Variants in HAVCR1 observed in about 807,000 individuals in gnomAD.
The protein encoded by HAVCR1 is hepatitis A virus cellular receptor 1.
A neutral mutation model predicts 32.0 loss-of-function variants in HAVCR1; 34 were observed. That is an observed-to-expected ratio of 1.06 (90% CI 0.81 to 1.42). The LOEUF (loss-of-function observed/expected upper bound fraction) is 1.42. Ranked by LOEUF, HAVCR1 falls within the 40% of genes most tolerant of loss-of-function variation. The pLI is 0.00. For synonymous variants in HAVCR1, 178 were observed against 170.3 expected, an observed-to-expected ratio of 1.05 and a Z score of -0.35; for missense variants, 420 against 442.3, an observed-to-expected ratio of 0.95 and a Z score of 0.45.
chr5:157,068,104 T>C, the HAVCR1 span, among the ~76,000 whole-genome samples: 1 of 152,018 alleles, frequency 6.6e-6, no homozygotes, highest in East Asian at 1.9e-4. Context: ...AAACCCCAAC[T>C]GTACTAAAAA....
chr5:157,066,627 A>G, the HAVCR1 span, among the ~76,000 whole-genome samples: 2 of 152,058 alleles, frequency 1.3e-5, no homozygotes, highest in Non-Finnish European at 2.9e-5. Context: ...AGAAAGGGAA[A>G]ATTTGCTGGG....
chr5:157,047,035 T>G (rs946450293), intron 5 of HAVCR1, among the ~76,000 whole-genome samples: 3 of 152,216 alleles, frequency 2.0e-5, no homozygotes, highest in African/African-American at 7.2e-5. Context: ...GCATGGTTCC[T>G]GGCTCATAAC....
intron 7 of HAVCR1, among the ~76,000 whole-genome samples, chr5:157,036,347 C>T (rs10462975): frequency 0.34 from 51,829 of 151,812 alleles, 9,498 homozygotes; most frequent in East Asian, 0.66. Flanking sequence ...GGCGTGGTGG[C>T]GGGCGCCTGT....
At chr5:157,042,441 C>CAAA (rs144701880) in intron 6 of HAVCR1, among the ~76,000 whole-genome samples, 186 bp downstream of exon 6, 6 of 113,310 alleles carry the variant, frequency 5.3e-5, no homozygotes, top group African/African-American at 1.0e-4. Flanking sequence ...GACTCCGTCT[C>CAAA]AAAAAAAAAA....
intron 6 of HAVCR1, among the ~76,000 whole-genome samples, chr5:157,041,984 A>G (rs940437450): frequency 2.0e-5 from 3 of 151,490 alleles, no homozygotes; most frequent in Admixed American, 6.6e-5. Context: ...GCTTGAACCC[A>G]GGAGGCGGAG....
At chr5:157,065,046 G>T in the HAVCR1 span, among the ~76,000 whole-genome samples, 1 of 152,190 alleles carries the variant, frequency 6.6e-6, no homozygotes, top group African/African-American at 2.4e-5. Flanking sequence ...AAATGGTATT[G>T]GCTGGGTGCG....
At chr5:157,061,056 C>A (rs1243062554), upstream of HAVCR1, among the ~76,000 whole-genome samples, 4 of 152,052 alleles carry the variant, frequency 2.6e-5, no homozygotes, top group East Asian at 5.8e-4. Flanking sequence ...CGCCACCATG[C>A]CTGGCTAATT....
intron 6 of HAVCR1, among the ~76,000 whole-genome samples, chr5:157,040,211 T>C (rs77717546): frequency 2.1e-5 from 2 of 94,924 alleles, no homozygotes; most frequent in Non-Finnish European, 5.5e-5. Flanking sequence ...GGCAGGAGAA[T>C]TGCTTGAACC....
At chr5:157,048,957 C>G (rs1303339993) in intron 5 of HAVCR1, 81 bp downstream of exon 5, 1 of 820,192 alleles carries the variant, frequency 1.2e-6, no homozygotes, top group African/African-American at 1.7e-5. Context: ...CAGTCGTATT[C>G]CAGAGCGTGT....
intron 5 of HAVCR1, among the ~76,000 whole-genome samples, chr5:157,047,063 T>C (rs766840081): frequency 1.3e-5 from 2 of 152,204 alleles, no homozygotes; most frequent in African/African-American, 2.4e-5. Context: ...TCCCTGATTA[T>C]AGTCTTTTCT....
intron 5 of HAVCR1, among the ~76,000 whole-genome samples, chr5:157,047,966 T>C (rs568456217): frequency 3.3e-4 from 51 of 152,250 alleles, no homozygotes; most frequent in African/African-American, 1.2e-3. Flanking sequence ...ACACAGCCGG[T>C]GTCCACTGCT....
At chr5:157,033,771 G>A (rs1052635073) in intron 7 of HAVCR1, among the ~76,000 whole-genome samples, 2 of 152,194 alleles carry the variant, frequency 1.3e-5, no homozygotes, top group African/African-American at 4.8e-5. Flanking sequence ...CCTAAGAAAA[G>A]GGTATTTAAG....
At chr5:157,060,558 C>T (rs1314623550), upstream of HAVCR1, among the ~76,000 whole-genome samples, 3 of 152,078 alleles carry the variant, frequency 2.0e-5, no homozygotes, top group Admixed American at 2.0e-4. Flanking sequence ...TTCCTTAATC[C>T]ATTTTATCTG....
intron 6 of HAVCR1, 146 bp downstream of exon 6, chr5:157,042,481 A>C (rs1233231412): frequency 1.9e-6 from 1 of 522,632 alleles, no homozygotes; most frequent in Non-Finnish European, 3.4e-6. Context: ...CCTATTTAAG[A>C]GTGAAATTAT....
chr5:157,042,915 TTTTC>T (rs1443298686), intron 5 of HAVCR1, among the ~76,000 whole-genome samples: 1 of 152,232 alleles, frequency 6.6e-6, no homozygotes, highest in East Asian at 1.9e-4. Context: ...GACTCTTGTT[TTTTC>T]TTTATTAAAA....
chr5:157,046,633 T>C (rs563664977), intron 5 of HAVCR1, among the ~76,000 whole-genome samples: 3 of 152,178 alleles, frequency 2.0e-5, no homozygotes, highest in Non-Finnish European at 2.9e-5. Context: ...CAGAAATTTA[T>C]TGCTCACAGT....
chr5:157,061,697 A>T (rs1041968765), upstream of HAVCR1, among the ~76,000 whole-genome samples: 6 of 103,634 alleles, frequency 5.8e-5, no homozygotes, highest in South Asian at 2.3e-3. Context: ...ACAGAGTGAG[A>T]CTTCTCAAAA....
At chr5:157,051,379 T>A (rs1025323378) in intron 4 of HAVCR1, among the ~76,000 whole-genome samples, 10 of 152,208 alleles carry the variant, frequency 6.6e-5, no homozygotes, top group African/African-American at 2.2e-4. Flanking sequence ...TAAGGGTTTT[T>A]TTCAGTAAAA....
In HAVCR1 at chr5:157,055,408, G is replaced by A; in HGVS notation, c.172C>T (p.Gln58Ter). The A allele has an allele frequency of 6.2e-7, 1 of 1,613,156 alleles. No homozygotes were observed. Among genetic ancestry groups the A allele is most frequent in the Non-Finnish European group, 8.5e-7 (1 of 1,179,102 alleles). Residue 58 changes from glutamine to a stop codon, truncating the protein, a stop_gained, in exon 3 of 9, where the codon CAA becomes TAA. Transcript: ENST00000523175. LOFTEE classifies it high-confidence loss of function. ...CCATTGGTCCAGACAATGCCATTTT[G>A]GCATGTGAATAGAGAACATGAGCCT... ...NRGSCSLFTC[Q>*]NGIVWTNGTH...
Sources: allele counts gnomAD v4.1 joint callset (sites outside exome capture counted in the v4.1 genomes callset), GRCh38; gene constraint gnomAD v4.1.1; transcripts MANE v1.5; gene names NCBI Gene and HGNC (gene_info 2026-07-23, HGNC 2026-07-21).